RNASEH1: variants seen among roughly 807,000 people sequenced by gnomAD.
RNASEH1 encodes ribonuclease H type II.
A neutral mutation model predicts 34.6 loss-of-function variants in RNASEH1; 27 were observed. That is an observed-to-expected ratio of 0.78 (90% CI 0.58 to 1.08). RNASEH1 has a LOEUF of 1.08. Among genes scored for constraint, RNASEH1 ranks in the 50% least tolerant of loss-of-function variants. The pLI is 0.00. For missense variants in RNASEH1, 349 were observed against 373.6 expected, an observed-to-expected ratio of 0.93 and a Z score of 0.54; for synonymous variants, 162 against 138.4, an observed-to-expected ratio of 1.17 and a Z score of -1.20.
chr2:3,547,845 A>G, intron 7 of RNASEH1, 86 bp downstream of exon 7: 1 of 1,288,436 alleles, frequency 7.8e-7, no homozygotes. Flanking sequence ...TATGTCATTA[A>G]ACCACTTACA....
chr2:3,553,585 G>T (rs1013462171), intron 2 of RNASEH1, among the ~76,000 whole-genome samples: 10 of 148,256 alleles, frequency 6.7e-5, no homozygotes, highest in Non-Finnish European at 1.2e-4. Context: ...AGAGATGGGG[G>T]TTTCACCATT....
chr2:3,552,398 T>C (rs1660031387), intron 2 of RNASEH1, 90 bp from the exon 3 acceptor site: 6 of 1,283,810 alleles, frequency 4.7e-6, no homozygotes, highest in Non-Finnish European at 6.5e-6. Context: ...TTATTTAGTA[T>C]CATTAAATCA....
the RNASEH1 span, chr2:3,532,135 GA>G: frequency 1.6e-6 from 1 of 637,346 alleles, no homozygotes; most frequent in East Asian, 2.8e-5. Context: ...GGAATGGAGG[GA>G]AAGTCCGTGT....
Position 3,548,649 on chromosome 2 carries a change from T to C in RNASEH1, c.640A>G (p.Thr214Ala), listed in dbSNP as rs754048329. The C allele has an allele frequency of 3.1e-6, 5 of 1,591,426 alleles. No individual in the cohort carries two copies. The highest frequency in any genetic ancestry group is 4.3e-6 in the Non-Finnish European group (5 of 1,160,648). Residue 214 changes from threonine to alanine, a missense_variant, in exon 6 of 8, where the codon ACG (threonine) becomes GCG (alanine). Coordinates refer to ENST00000315212, the MANE Select transcript of RNASEH1 (RefSeq NM_002936.6). The stretch of plus-strand genomic sequence containing the variant: ...AAATGTGAAAGCTTACCATTTATCG[T>C]AAACATACTGTCTGTATACAGAACC... ...KLVLYTDSMF[T>A]INGITNWVQG... is the part of the protein sequence containing the mutation.
intron 5 of RNASEH1, 46 bp downstream of exon 5, chr2:3,549,012 A>C (rs753614083): frequency 7.0e-7 from 1 of 1,420,926 alleles, no homozygotes; most frequent in Non-Finnish European, 9.9e-7. Flanking sequence ...ATAATTTCAT[A>C]CTCAATGCTC....
chr2:3,547,510 T>TG (rs1282087230), intron 7 of RNASEH1, among the ~76,000 whole-genome samples: 1 of 151,468 alleles, frequency 6.6e-6, no homozygotes, highest in Non-Finnish European at 1.5e-5. Context: ...GACGGGGTCT[T>TG]GGAGTCTCAT....
downstream of RNASEH1, among the ~76,000 whole-genome samples, chr2:3,539,363 C>T (rs1413374312): frequency 6.6e-6 from 1 of 152,184 alleles, no homozygotes; most frequent in Non-Finnish European, 1.5e-5. Context: ...ACCCTACCAC[C>T]ATATACTGGC....
In RNASEH1 at chr2:3,558,148, C is replaced by G. The variant is rs760508146; in HGVS notation, c.113G>C (p.Gly38Ala). Residue 38 changes from glycine to alanine, a missense_variant, in exon 1 of 8, where the codon GGG becomes GCG. This residue lies in a region of RNASEH1 where 256 missense variants were observed against 240.7 expected (regional missense o/e 1.06). Coordinates refer to ENST00000315212, the MANE Select transcript of RNASEH1 (RefSeq NM_002936.6). ...GGCCACTCACCAGGTCAGAAAGACC[C>G]CGGTCTTGCGGCCCCTCCTCACGGC... ...FYAVRRGRKTGVFLTWNECRA... is the reference protein window; with the variant it reads ...FYAVRRGRKTAVFLTWNECRA... 6.2e-7 allele frequency: 1 copy of G among 1,600,812 alleles called. No individual in the cohort carries two copies. Among genetic ancestry groups the G allele is most frequent in the Non-Finnish European group, 8.5e-7 (1 of 1,175,504 alleles).
Position 3,548,283 on chromosome 2 carries a change from G to A in RNASEH1, c.650-228C>T, listed in dbSNP as rs139242724. 3.6e-4 allele frequency among the ~76,000 whole-genome samples: 55 copies of A among 152,258 alleles called. No individual in the cohort carries two copies. In the East Asian group the frequency reaches 8.1e-3, roughly 22 times the overall value. ...CTACCTACAGCTGTCAGCTTAAGAT[G>A]TCATTTCTCCCAGGAGCCTTCCCCA... On this transcript the variant is annotated intron_variant, in intron 6 of 7. Transcript: ENST00000315212.
intron 1 of RNASEH1, chr2:3,557,801 G>T (rs1363743862): frequency 9.0e-7 from 1 of 1,109,150 alleles, no homozygotes; most frequent in South Asian, 1.3e-5. Flanking sequence ...TTCTGGTAAC[G>T]GGGGTTCGTT....
chr2:3,548,763 T>A (rs1481030028), intron 5 of RNASEH1, 39 bp from the exon 6 acceptor site: 55 of 1,441,430 alleles, frequency 3.8e-5, no homozygotes, highest in Non-Finnish European at 4.9e-5. Flanking sequence ...ACAGAAAATG[T>A]TCAACTCTGA....
At chr2:3,550,615 G>A (rs1440307729) in intron 3 of RNASEH1, 143 bp from the exon 4 acceptor site, 6 of 663,202 alleles carry the variant, frequency 9.0e-6, no homozygotes, top group Non-Finnish European at 1.6e-5. Context: ...AGGAAAACAT[G>A]CTCCATTCCT....
In RNASEH1 at chr2:3,545,828, G is replaced by C; in HGVS notation, c.818C>G (p.Ala273Gly). Residue 273 changes from alanine (A) to glycine (G), a missense_variant, in exon 8 of 8, where the codon GCT becomes GGT. Physicochemically the swap from Ala to Gly is moderately conservative, Grantham distance 60. Coordinates refer to ENST00000315212, the MANE Select transcript of RNASEH1 (RefSeq NM_002936.6). ...GHSGFIGNEEADRLAREGAKQ... is the reference protein window; with the variant it reads ...GHSGFIGNEEGDRLAREGAKQ... ...AGCTCCTTCTCTGGCTAATCTGTCA[G>C]CTTCTTCATTGCCTATAAATCCCGA... 1 of 1,613,748 alleles carries C rather than the reference G, an allele frequency of 6.2e-7. No individual in the cohort carries two copies. Among genetic ancestry groups the C allele is most frequent in the Non-Finnish European group, 8.5e-7 (1 of 1,179,612 alleles).
intron 2 of RNASEH1, among the ~76,000 whole-genome samples, chr2:3,555,217 C>T (rs1660368657): frequency 6.6e-6 from 1 of 152,144 alleles, no homozygotes; most frequent in Admixed American, 6.5e-5. Context: ...CTTCCCTTAA[C>T]ATAAAAGAAG....
At chr2:3,558,105 G>T in intron 1 of RNASEH1, 28 bp downstream of exon 1, 1 of 1,573,556 alleles carries the variant, frequency 6.4e-7, no homozygotes, top group Non-Finnish European at 8.6e-7. Flanking sequence ...TGCCGGCAGG[G>T]AGGCGCCTCG....
chr2:3,535,023 G>A, the RNASEH1 span, among the ~76,000 whole-genome samples: 5 of 152,340 alleles, frequency 3.3e-5, no homozygotes, highest in East Asian at 9.7e-4. Context: ...AACACGAACA[G>A]AGCTTCAGTC....
rs1286869450 is a variant in RNASEH1, at chr2:3,542,930, C to G, written c.*2855G>C. Among the ~76,000 whole-genome samples the G allele has an allele frequency of 1.3e-5, 2 of 152,228 alleles. No individual in the cohort carries two copies. Among genetic ancestry groups the G allele is most frequent in the East Asian group, 3.9e-4 (2 of 5,186 alleles). ...CCAAAAATCTAGAAATAATGACCAA[C>G]GCAATAGCAATGAGCATCCTAAACT... On this transcript the variant is annotated 3_prime_UTR_variant, in exon 8 of 8. Transcript: ENST00000315212.
At chr2:3,541,343 G>GA (rs902210241), downstream of RNASEH1, among the ~76,000 whole-genome samples, 1 of 148,750 alleles carries the variant, frequency 6.7e-6, no homozygotes, top group Non-Finnish European at 1.5e-5. Flanking sequence ...AAAAAAAAAA[G>GA]AAAAAAAGAG....
chr2:3,553,755 A>G (rs1459551789), intron 2 of RNASEH1, among the ~76,000 whole-genome samples: 1 of 151,748 alleles, frequency 6.6e-6, no homozygotes, highest in Admixed American at 6.6e-5. Flanking sequence ...TCACTGGGTA[A>G]TACTATGGCA....
Sources: gnomAD v4.1 joint callset for allele counts (sites outside exome capture counted in the v4.1 genomes callset) on GRCh38, gnomAD v4.1.1 for gene constraint, gnomAD v4.1.1 regional missense constraint, MANE v1.5 for transcripts, NCBI Gene and HGNC (gene_info 2026-07-23, HGNC 2026-07-21) for gene names.